The following AKAP13 variants were observed in gnomAD, a reference collection of about 807,000 sequenced individuals.
AKAP13 encodes the protein A-kinase anchor protein 13.
AKAP13 carries 80 observed loss-of-function variants against 264.5 expected under a neutral mutation model. The observed-to-expected ratio is 0.30, with a 90% CI of 0.25 to 0.36. AKAP13 has a LOEUF of 0.36. Ranked by LOEUF, AKAP13 falls within the 10% of genes least tolerant of loss-of-function variation. The pLI is 1.00. For missense variants in AKAP13, 3,712 were observed against 3,435.2 expected, an observed-to-expected ratio of 1.08 and a Z score of -2.01; for synonymous variants, 1,380 against 1,250.2, an observed-to-expected ratio of 1.10 and a Z score of -2.19.
At chr15:85,473,966 G>A (rs1350465108) in intron 1 of AKAP13, among the ~76,000 whole-genome samples, 1 of 152,162 alleles carries the variant, frequency 6.6e-6, no homozygotes, top group African/African-American at 2.4e-5. Context: ...GAAGCAATGA[G>A]GAAATAAAAT....
At chr15:85,410,526 C>G (rs1236654347) in intron 1 of AKAP13, among the ~76,000 whole-genome samples, 2 of 151,648 alleles carry the variant, frequency 1.3e-5, no homozygotes, top group Admixed American at 1.3e-4. Flanking sequence ...CTTAACCCCC[C>G]TTTGCAGTTA....
chr15:85,726,336 A>G (rs1445825799), intron 26 of AKAP13, 74 bp from the exon 27 acceptor site: 1 of 1,309,964 alleles, frequency 7.6e-7, no homozygotes, highest in Non-Finnish European at 1.1e-6. Flanking sequence ...CCCTTCAATA[A>G]AAAACCTTCT....
chr15:85,499,770 A>ACTC, intron 2 of AKAP13, among the ~76,000 whole-genome samples: 1 of 150,806 alleles, frequency 6.6e-6, no homozygotes, highest in South Asian at 2.1e-4. Context: ...TGGATCCATC[A>ACTC]CTCCTACTCC....
At chr15:85,612,560 C>T (rs995043652) in intron 8 of AKAP13, among the ~76,000 whole-genome samples, 2 of 152,092 alleles carry the variant, frequency 1.3e-5, no homozygotes, top group African/African-American at 4.8e-5. Flanking sequence ...GTGGCTCACA[C>T]CTGTAAATCC....
intron 4 of AKAP13, among the ~76,000 whole-genome samples, chr15:85,541,961 A>T (rs1047020860): frequency 4.6e-5 from 7 of 152,196 alleles, no homozygotes; most frequent in African/African-American, 1.4e-4. Flanking sequence ...TGCTGAGCTG[A>T]CTCAGAACAA....
chr15:85,694,099 C>T (rs2085440299), intron 17 of AKAP13, among the ~76,000 whole-genome samples: 1 of 152,240 alleles, frequency 6.6e-6, no homozygotes, highest in Non-Finnish European at 1.5e-5. Context: ...TAACCCCAAA[C>T]CCTAAAGCTA....
intron 1 of AKAP13, among the ~76,000 whole-genome samples, chr15:85,414,347 A>G (rs1023888265): frequency 6.6e-6 from 1 of 152,242 alleles, no homozygotes; most frequent in Non-Finnish European, 1.5e-5. Context: ...GGGACAAACA[A>G]AATGAGAACT....
At chr15:85,528,408 A>G (rs1265646866) in intron 3 of AKAP13, among the ~76,000 whole-genome samples, 1 of 152,184 alleles carries the variant, frequency 6.6e-6, no homozygotes, top group African/African-American at 2.4e-5. Context: ...TTTGTAGAGT[A>G]TTAGGGATCT....
chr15:85,636,343 C>G (rs992038294), intron 8 of AKAP13, among the ~76,000 whole-genome samples: 3 of 152,126 alleles, frequency 2.0e-5, no homozygotes, highest in Non-Finnish European at 4.4e-5. Context: ...TGTGAATAAA[C>G]CAAGTTTTAC....
chr15:85,674,005 C>T (rs1426164341), intron 14 of AKAP13, among the ~76,000 whole-genome samples: 2 of 151,970 alleles, frequency 1.3e-5, no homozygotes, highest in Non-Finnish European at 2.9e-5. Context: ...TGATCCCTTT[C>T]TATGGCTGTA....
Position 85,715,775 on chromosome 15 carries a change from C to T in AKAP13, c.5600-13C>T, listed in dbSNP as rs2086900154. 6.2e-7 allele frequency: 1 copy of T among 1,603,306 alleles called. No individual in the cohort carries two copies. Among genetic ancestry groups the T allele is most frequent in the East Asian group, 2.3e-5 (1 of 44,440 alleles). ...GGATGGGTGATGCTTCAGTTAGTGT[C>T]CTCCTTTTGCAGCCTCACAGCCCAA... is the stretch of plus-strand genomic sequence containing the variant. On this transcript the variant is annotated splice_polypyrimidine_tract_variant and intron_variant, in intron 19 of 36. Transcript: ENST00000394518.
At chr15:85,518,409 A>G (rs1455599068) in intron 2 of AKAP13, among the ~76,000 whole-genome samples, 6 of 152,208 alleles carry the variant, frequency 3.9e-5, no homozygotes, top group African/African-American at 1.4e-4. Context: ...TTTTAATTCC[A>G]GGTGCCTTCG....
At chr15:85,585,413 G>A (rs989648704) in intron 7 of AKAP13, among the ~76,000 whole-genome samples, 1 of 152,148 alleles carries the variant, frequency 6.6e-6, no homozygotes, top group Non-Finnish European at 1.5e-5. Context: ...GCTACACTCA[G>A]ATTTGTCATA....
At chr15:85,711,542 A>T (rs558410650) in intron 19 of AKAP13, among the ~76,000 whole-genome samples, 5 of 152,236 alleles carry the variant, frequency 3.3e-5, no homozygotes, top group African/African-American at 1.2e-4. Context: ...TGAGATATGC[A>T]TGTTATTGTA....
intron 1 of AKAP13, among the ~76,000 whole-genome samples, chr15:85,442,175 G>A (rs949457237): frequency 6.6e-6 from 1 of 151,696 alleles, no homozygotes; most frequent in African/African-American, 2.4e-5. Context: ...GCTTTGGGAG[G>A]CTGAGGTGGG....
chr15:85,381,117 T>TAC (rs1024315535), intron 1 of AKAP13, among the ~76,000 whole-genome samples: 8 of 152,144 alleles, frequency 5.3e-5, no homozygotes, highest in African/African-American at 1.9e-4. Flanking sequence ...CCGCCGATGC[T>TAC]ACCTCAGGCG....
chr15:85,552,816 C>T lies in AKAP13; in HGVS notation c.662+8861C>T, dbSNP rs1001744710. On this transcript the variant is annotated intron_variant, in intron 5 of 36. Coordinates refer to ENST00000394518, the MANE Select transcript of AKAP13 (RefSeq NM_007200.5). Reference sequence around the variant, plus strand: ...CTAATTTTTTTGTATGTTTTTTCACCGTGTTAGCCAGGATGGATTTATCAT... The same window carrying T: ...CTAATTTTTTTGTATGTTTTTTCACTGTGTTAGCCAGGATGGATTTATCAT... Among the ~76,000 whole-genome samples, 7 of 151,128 alleles carry T rather than the reference C, an allele frequency of 4.6e-5. No individual in the cohort carries two copies. The South Asian group carries it at 6.3e-4, about 13-fold the overall frequency.
At chr15:85,385,847 A>G (rs1204233171) in intron 1 of AKAP13, among the ~76,000 whole-genome samples, 1 of 151,982 alleles carries the variant, frequency 6.6e-6, no homozygotes, top group African/African-American at 2.4e-5. Flanking sequence ...TTGTTTCGAG[A>G]TGGAGTTTGG....
rs532224525 is a variant in AKAP13 at position 85,568,857 on chromosome 15, T to G, written c.663-6274T>G. ...AGCAAAAGAATGATGTCACTATTGC[T>G]TTGAAACAGTTGTTTCTGATAGATT... On this transcript the variant is annotated intron_variant, in intron 5 of 36. Coordinates refer to ENST00000394518, the MANE Select transcript of AKAP13 (RefSeq NM_007200.5). Among the ~76,000 whole-genome samples, 15 of 152,344 alleles carry G rather than the reference T, an allele frequency of 9.8e-5. 2 individuals carry two copies. The South Asian group carries it at 3.1e-3, about 32-fold the overall frequency.
Sources: gnomAD v4.1 joint callset for allele counts (sites outside exome capture counted in the v4.1 genomes callset) on GRCh38, gnomAD v4.1.1 for gene constraint, MANE v1.5 for transcripts, NCBI Gene and HGNC (gene_info 2026-07-23, HGNC 2026-07-21) for gene names.